PRKD1: variants seen among roughly 807,000 people sequenced by gnomAD.
PRKD1 encodes protein kinase D1.
PRKD1 carries 63 observed loss-of-function variants against 95.9 expected under a neutral mutation model. That is an observed-to-expected ratio of 0.66 (90% CI 0.54 to 0.81). PRKD1 has a LOEUF of 0.81. Among genes scored for constraint, PRKD1 ranks in the 30% least tolerant of loss-of-function variants. The pLI is 0.00. For synonymous variants in PRKD1, 425 were observed against 423.1 expected (o/e 1.00, Z -0.05); for missense variants, 1,048 against 1,165.3 (o/e 0.90, Z 1.47).
chr14:29,750,967 C>G (rs1384159100), intron 1 of PRKD1, among the ~76,000 whole-genome samples: 3 of 152,162 alleles, frequency 2.0e-5, no homozygotes, highest in Non-Finnish European at 4.4e-5. Flanking sequence ...TACATCCACT[C>G]CTCTTTTGGG....
intron 1 of PRKD1, among the ~76,000 whole-genome samples, chr14:29,810,312 A>C (rs529023252): frequency 6.6e-6 from 1 of 152,164 alleles, no homozygotes; most frequent in Admixed American, 6.5e-5. Context: ...CTTGAATTGT[A>C]AAAAAAATGC....
chr14:29,898,312 C>CT (rs1894202890), intron 1 of PRKD1, among the ~76,000 whole-genome samples: 1 of 151,938 alleles, frequency 6.6e-6, no homozygotes, highest in Non-Finnish European at 1.5e-5. Context: ...AAAAAGAATA[C>CT]TTTTTTTAAA....
chr14:29,684,106 T>A (rs550679838), intron 2 of PRKD1, among the ~76,000 whole-genome samples: 257 of 151,990 alleles, frequency 1.7e-3, no homozygotes, highest in Admixed American at 4.3e-3. Context: ...TTCCAGGAAG[T>A]CTCCCTAGAC....
At chr14:29,756,092 T>C (rs1005991329) in intron 1 of PRKD1, among the ~76,000 whole-genome samples, 1 of 152,200 alleles carries the variant, frequency 6.6e-6, no homozygotes, top group Non-Finnish European at 1.5e-5. Context: ...TATAAGGTTA[T>C]ACATATGCAT....
At chr14:29,646,964 T>C (rs1481294957) in intron 4 of PRKD1, among the ~76,000 whole-genome samples, 1 of 152,076 alleles carries the variant, frequency 6.6e-6, no homozygotes, top group Admixed American at 6.5e-5. Context: ...TTCAGGTTGT[T>C]TGGTGGTATT....
chr14:29,634,150 C>T (rs1880207667), intron 8 of PRKD1, among the ~76,000 whole-genome samples: 1 of 152,200 alleles, frequency 6.6e-6, no homozygotes, highest in Non-Finnish European at 1.5e-5. Flanking sequence ...TCCACAAGTG[C>T]TATAAAATGG....
rs1892580257 is a variant in PRKD1 at position 29,577,101 on chromosome 14, C to T, written c.*137G>A. The T allele has an allele frequency of 1.1e-6, 1 of 885,846 alleles. No homozygotes were observed. Among genetic ancestry groups the T allele is most frequent in the Non-Finnish European group, 1.7e-6 (1 of 577,336 alleles). The allele number at this position is 885,846 out of a possible 1,614,324, so 54.9% of individuals were successfully genotyped here. A position where few individuals can be genotyped will look rare whatever the true frequency, so the allele number is the denominator to read the frequency against. On this transcript the variant is annotated 3_prime_UTR_variant, in exon 18 of 18. Transcript: ENST00000331968. The stretch of plus-strand genomic sequence containing the variant: ...TTGATTTGTCTTGGCAACTCAGATA[C>T]ATCAACAGTGCTAACAGTTTAACAG...
chr14:29,641,893 T>C (rs1046181682), intron 4 of PRKD1, among the ~76,000 whole-genome samples: 1 of 148,044 alleles, frequency 6.8e-6, no homozygotes, highest in Admixed American at 6.7e-5. Context: ...CCTTTAAAAA[T>C]ATTTCTTTTT....
chr14:29,924,347 GC>G (rs1257387448), intron 1 of PRKD1, among the ~76,000 whole-genome samples: 3 of 152,064 alleles, frequency 2.0e-5, no homozygotes, highest in African/African-American at 7.2e-5. Context: ...AATCGTGTCT[GC>G]TACATAATTA....
At chr14:29,728,619 A>G (rs1886284285) in intron 1 of PRKD1, among the ~76,000 whole-genome samples, 1 of 152,084 alleles carries the variant, frequency 6.6e-6, no homozygotes, top group Admixed American at 6.6e-5. Flanking sequence ...TTCACCTTTT[A>G]TTACTTATTA....
chr14:29,610,420 C>A (rs1326141107), intron 13 of PRKD1, among the ~76,000 whole-genome samples: 1 of 152,092 alleles, frequency 6.6e-6, no homozygotes, highest in Non-Finnish European at 1.5e-5. Flanking sequence ...TGAAAAATTG[C>A]TCAATATCAG....
intron 1 of PRKD1, among the ~76,000 whole-genome samples, chr14:29,914,303 G>A (rs1035825661): frequency 6.6e-6 from 1 of 152,196 alleles, no homozygotes; most frequent in African/African-American, 2.4e-5. Flanking sequence ...CTACTTAGCT[G>A]GTGATTGATC....
At chr14:29,748,458 A>C (rs1322695075) in intron 1 of PRKD1, among the ~76,000 whole-genome samples, 1 of 152,232 alleles carries the variant, frequency 6.6e-6, no homozygotes, top group East Asian at 1.9e-4. Flanking sequence ...AGTAAATTAC[A>C]AAGGGAATTA....
chr14:29,777,883 C>T (rs1888846239), intron 1 of PRKD1, among the ~76,000 whole-genome samples: 1 of 152,116 alleles, frequency 6.6e-6, no homozygotes, highest in South Asian at 2.1e-4. Flanking sequence ...AAATTGACCA[C>T]AAAGTTGGAA....
At chr14:29,815,213 T>C (rs1890642778) in intron 1 of PRKD1, among the ~76,000 whole-genome samples, 1 of 152,232 alleles carries the variant, frequency 6.6e-6, no homozygotes, top group Non-Finnish European at 1.5e-5. Context: ...AATCTTGTCA[T>C]GGCAAGACTA....
chr14:29,872,134 T>C (rs1893129309), intron 1 of PRKD1, among the ~76,000 whole-genome samples: 1 of 152,200 alleles, frequency 6.6e-6, no homozygotes, highest in African/African-American at 2.4e-5. Flanking sequence ...AACTGTTAGA[T>C]TGACAGAACC....
intron 1 of PRKD1, among the ~76,000 whole-genome samples, chr14:29,774,511 C>T (rs1385463639): frequency 6.6e-6 from 1 of 152,090 alleles, no homozygotes; most frequent in East Asian, 1.9e-4. Context: ...CAGCACCCTC[C>T]TAAGCATTTC....
chr14:29,912,625 C>T (rs76033509), intron 1 of PRKD1, among the ~76,000 whole-genome samples: 2 of 152,176 alleles, frequency 1.3e-5, no homozygotes, highest in Admixed American at 1.3e-4. Flanking sequence ...TTGGGACAAC[C>T]CAACTTCCAA....
chr14:29,846,586 T>A (rs1892086501), intron 1 of PRKD1, among the ~76,000 whole-genome samples: 1 of 152,080 alleles, frequency 6.6e-6, no homozygotes, highest in South Asian at 2.1e-4. Context: ...GTGGGCCAGG[T>A]TAAGTGTGTT....
Sources: allele counts gnomAD v4.1 joint callset (sites outside exome capture counted in the v4.1 genomes callset), GRCh38; gene constraint gnomAD v4.1.1; transcripts MANE v1.5; gene names NCBI Gene and HGNC (gene_info 2026-07-23, HGNC 2026-07-21).